The following SLC6A5 variants were observed in gnomAD, a reference collection of about 807,000 sequenced individuals.
The protein encoded by SLC6A5 is solute carrier family 6 member 5.
In SLC6A5, 58 loss-of-function variants were observed where a neutral mutation model predicts 90.5. The ratio of observed to expected loss-of-function variants is 0.64; its 90% CI spans 0.52 to 0.80. SLC6A5 has a LOEUF of 0.80. Ranked by LOEUF, SLC6A5 falls within the 30% of genes least tolerant of loss-of-function variation. The pLI, the probability that SLC6A5 is intolerant of heterozygous loss-of-function variation, is 0.00. For missense variants in SLC6A5, 1,015 were observed against 1,017.6 expected, an observed-to-expected ratio of 1.00 and a Z score of 0.03; for synonymous variants, 427 against 401.4, an observed-to-expected ratio of 1.06 and a Z score of -0.76.
intron 5 of SLC6A5, among the ~76,000 whole-genome samples, chr11:20,609,035 G>T (rs1852645230): frequency 2.0e-5 from 3 of 151,572 alleles, no homozygotes; most frequent in South Asian, 2.1e-4. Context: ...CACATGGGTG[G>T]AGGCACAAGA....
chr11:20,618,981 A>ACACACACACACACACACAC (rs376434465), intron 7 of SLC6A5, among the ~76,000 whole-genome samples: 1 of 106,944 alleles, frequency 9.4e-6, no homozygotes, highest in Non-Finnish European at 2.0e-5. Context: ...CACACACACA[A>ACACACACACACACACACAC]AGAAAAACCT....
At position 20,658,534 on chromosome 11, in the gene SLC6A5, G is replaced by C. The variant is rs1260169584; in HGVS notation, c.*3666G>C. 1 of 152,130 alleles carries C rather than the reference G, an allele frequency of 6.6e-6. No individual in the cohort carries two copies. Among genetic ancestry groups the C allele is most frequent in the Non-Finnish European group, 1.5e-5 (1 of 68,008 alleles). 9.4% of individuals were successfully genotyped at this position (152,130 alleles called of 1,614,324 possible). On this transcript the variant is annotated 3_prime_UTR_variant, in exon 16 of 16. Coordinates refer to ENST00000525748, the MANE Select transcript of SLC6A5 (RefSeq NM_004211.5). The stretch of plus-strand genomic sequence containing the variant: ...TGGGAGCAAAGGTGTGGGTGATTCT[G>C]CCTTGATACTCATTTCCCCACAAAG...
At chr11:20,600,383 AGAAGAAGAAGAAGAAG>A (rs1273619616) in intron 1 of SLC6A5, among the ~76,000 whole-genome samples, 2 of 150,286 alleles carry the variant, frequency 1.3e-5, no homozygotes, top group African/African-American at 5.0e-5. Context: ...AAGAAGAAGA[AGAAGAAGAAGAAGAAG>A]AAGAAGAAGA....
chr11:20,645,500 G>C (rs1403876321), intron 13 of SLC6A5, among the ~76,000 whole-genome samples: 1 of 152,172 alleles, frequency 6.6e-6, no homozygotes, highest in Non-Finnish European at 1.5e-5. Context: ...GGAGGAGCAA[G>C]CGACCAAGGT....
At chr11:20,636,851 C>T (rs1023578400) in intron 11 of SLC6A5, among the ~76,000 whole-genome samples, 12 of 152,042 alleles carry the variant, frequency 7.9e-5, no homozygotes, top group Non-Finnish European at 1.6e-4. Flanking sequence ...AGTAGAAGAG[C>T]AAATGCAAGG....
chr11:20,604,517 G>T, intron 3 of SLC6A5, 93 bp downstream of exon 3: 1 of 1,513,682 alleles, frequency 6.6e-7, no homozygotes, highest in Non-Finnish European at 9.0e-7. Flanking sequence ...GCCGCCGGGC[G>T]GGGAGGCTCA....
At chr11:20,632,513 G>A (rs1853126953) in intron 10 of SLC6A5, among the ~76,000 whole-genome samples, 1 of 152,112 alleles carries the variant, frequency 6.6e-6, no homozygotes, top group African/African-American at 2.4e-5. Flanking sequence ...TTGAACAAGG[G>A]TAGGGGCACT....
At position 20,652,491 on chromosome 11, in the gene SLC6A5, C is replaced by T. The variant is rs202191558; in HGVS notation, c.2238+35C>T. On this transcript the variant is annotated intron_variant, in intron 15 of 15. Coordinates refer to ENST00000525748, the MANE Select transcript of SLC6A5 (RefSeq NM_004211.5). Reference sequence around the variant, plus strand: ...TCTACTTCTTTCCCTCCCAATTCCTCCCAAGGGAAAGCCCATAAAAGCTCT... The same window carrying T: ...TCTACTTCTTTCCCTCCCAATTCCTTCCAAGGGAAAGCCCATAAAAGCTCT... 3,956 of 1,589,094 alleles carry T rather than the reference C, an allele frequency of 2.5e-3. 6 individuals carry two copies. Among genetic ancestry groups the T allele is most frequent in the Non-Finnish European group, 2.9e-3 (3,334 of 1,157,142 alleles).
At chr11:20,621,258 T>C (rs1026786824) in intron 7 of SLC6A5, among the ~76,000 whole-genome samples, 4 of 152,238 alleles carry the variant, frequency 2.6e-5, no homozygotes, top group African/African-American at 9.6e-5. Flanking sequence ...CAGTCTCTGC[T>C]GTCTTGCTGT....
In SLC6A5 at chr11:20,654,687, C is replaced by G. The variant is rs375077973; in HGVS notation, c.2239-26C>G. ...GAGGAAGGTGCACTACTTCTGTGAC[C>G]ATGTCTGTCTTTGGCTTCTTTGCAG... On this transcript the variant is annotated intron_variant, in intron 15 of 15. Coordinates refer to ENST00000525748, the MANE Select transcript of SLC6A5 (RefSeq NM_004211.5). 356 of 1,613,792 alleles carry G rather than the reference C, an allele frequency of 2.2e-4. 2 individuals carry two copies. Among genetic ancestry groups the G allele is most frequent in the Middle Eastern group, 1.2e-3 (7 of 6,028 alleles).
rs201726001 is a variant in SLC6A5, at chr11:20,654,853, G to T, written c.2379G>T (p.Leu793=). The part of the protein sequence containing the change: ...GLKLPVKDLE[L]GTQC ...AACTGCCAGTGAAGGATTTGGAACTGGGCACTCAGTGCTAGTCCAGTGGTG... is the reference window on the plus strand; with the variant it reads ...AACTGCCAGTGAAGGATTTGGAACTTGGCACTCAGTGCTAGTCCAGTGGTG... Residue 793 remains leucine, a synonymous_variant, in exon 16 of 16, where the codon CTG becomes CTT. Coordinates refer to ENST00000525748, the MANE Select transcript of SLC6A5 (RefSeq NM_004211.5). 15 of 1,614,152 alleles carry T rather than the reference G, an allele frequency of 9.3e-6. No individual in the cohort carries two copies. The East Asian group carries it at 3.3e-4, about 36-fold the overall frequency.
At chr11:20,642,973 C>G (rs1853341891) in intron 13 of SLC6A5, among the ~76,000 whole-genome samples, 3 of 152,200 alleles carry the variant, frequency 2.0e-5, no homozygotes, top group South Asian at 4.1e-4. Flanking sequence ...AACTGAGCAC[C>G]CATGATCCAC....
At chr11:20,608,920 CTG>C (rs879337752) in intron 5 of SLC6A5, among the ~76,000 whole-genome samples, 7,761 of 65,100 alleles carry the variant, frequency 0.12, 570 homozygotes, top group East Asian at 0.51. Context: ...GTCTGTCTGT[CTG>C]TCTCTCTCTC....
chr11:20,622,348 G>A (rs1353465557), intron 7 of SLC6A5, among the ~76,000 whole-genome samples: 13 of 152,184 alleles, frequency 8.5e-5, no homozygotes, highest in East Asian at 1.9e-4. Context: ...GCAAAATTGA[G>A]AGGCGCTCAC....
Position 20,601,353 on chromosome 11 carries a change from A to T in SLC6A5, c.228A>T (p.Gly76=), listed in dbSNP as rs1051802115. 2 of 1,600,882 alleles carry T rather than the reference A, an allele frequency of 1.2e-6. No homozygotes were observed. Among genetic ancestry groups the T allele is most frequent in the African/African-American group, 2.7e-5 (2 of 74,770 alleles). Residue 76 remains glycine, a synonymous_variant, in exon 2 of 16, where the codon GGA becomes GGT. Coordinates refer to ENST00000525748, the MANE Select transcript of SLC6A5 (RefSeq NM_004211.5). ...GAGCCTGCGAGGCTGAGCGGCCAGG[A>T]GTGGGGTCTTGCAAACTCAGTAGCC... ...DARACEAERP[G]VGSCKLSSPR... is the part of the protein sequence containing the mutation.
rs138808098 is a variant in SLC6A5 at position 20,632,374 on chromosome 11, C to T, written c.1624+1559C>T. ...CTGAACTCTTTTCTGCTCCAGGAAA[C>T]GGATTTCTGGGGAGATATTGCAAAA... On this transcript the variant is annotated intron_variant, in intron 10 of 15. Transcript: ENST00000525748. Among the ~76,000 whole-genome samples the T allele has an allele frequency of 9.9e-4, 151 of 152,254 alleles. 1 individual carries two copies. The highest frequency in any genetic ancestry group is 3.4e-3 in the African/African-American group (142 of 41,538).
At chr11:20,611,990 T>C (rs1852702738) in intron 5 of SLC6A5, among the ~76,000 whole-genome samples, 2 of 152,206 alleles carry the variant, frequency 1.3e-5, no homozygotes, top group Admixed American at 1.3e-4. Context: ...GGTGAAGTAT[T>C]GACTCACTGT....
intron 13 of SLC6A5, among the ~76,000 whole-genome samples, chr11:20,639,706 G>T (rs1235950486): frequency 1.3e-5 from 2 of 152,110 alleles, no homozygotes; most frequent in Admixed American, 1.3e-4. Flanking sequence ...TAAAGGGGGT[G>T]GAGTGGGAAT....
intron 14 of SLC6A5, 86 bp downstream of exon 14, chr11:20,647,020 C>T: frequency 1.1e-6 from 1 of 919,730 alleles, no homozygotes. Context: ...TGCCTGTTTA[C>T]ATTTGAACAG....
Sources: gnomAD v4.1 joint callset for allele counts (sites outside exome capture counted in the v4.1 genomes callset) on GRCh38, gnomAD v4.1.1 for gene constraint, MANE v1.5 for transcripts, NCBI Gene and HGNC (gene_info 2026-07-23, HGNC 2026-07-21) for gene names.